Variants in ADGRL2 observed in about 807,000 individuals in gnomAD.
ADGRL2 encodes the protein calcium-independent alpha-latrotoxin receptor 2.
Under a neutral mutation model 157.4 loss-of-function variants are expected in ADGRL2, and 44 were observed. The ratio of observed to expected loss-of-function variants is 0.28; its 90% CI spans 0.22 to 0.36. ADGRL2 has a LOEUF of 0.36. ADGRL2 is among the 10% of genes least tolerant of loss of function. The probability of loss-of-function intolerance (pLI) is 1.00; values close to 1 mark genes in which losing one functional copy is unlikely to be tolerated. For missense variants in ADGRL2, 1,510 were observed against 1,768.9 expected (o/e 0.85, Z 2.63); for synonymous variants, 585 against 624.7 (o/e 0.94, Z 0.95).
chr1:81,316,765 CT>C (rs1660135174), intron 1 of ADGRL2, among the ~76,000 whole-genome samples: 1 of 152,156 alleles, frequency 6.6e-6, no homozygotes, highest in Admixed American at 6.5e-5. Context: ...TGATTTATGT[CT>C]TTGCTGTGTA....
intron 1 of ADGRL2, among the ~76,000 whole-genome samples, chr1:81,378,733 A>G (rs769732495): frequency 3.5e-4 from 53 of 152,166 alleles, no homozygotes; most frequent in Non-Finnish European, 4.3e-4. Flanking sequence ...ATCCATGTAA[A>G]GTGCTTCCTG....
At chr1:81,711,722 A>G (rs896470002) in intron 1 of ADGRL2, among the ~76,000 whole-genome samples, 16 of 152,190 alleles carry the variant, frequency 1.1e-4, no homozygotes, top group Non-Finnish European at 1.5e-4. Context: ...GCTTTCTATC[A>G]TCATTGCAAA....
At chr1:81,682,101 A>ATGTGTGTGTGTGTG (rs1440744581) in intron 3 of ADGRL2, among the ~76,000 whole-genome samples, 17 of 88,342 alleles carry the variant, frequency 1.9e-4, no homozygotes, top group African/African-American at 7.6e-4. Context: ...ATATACATAT[A>ATGTGTGTGTGTGTG]TATGTGTGTG....
intron 2 of ADGRL2, among the ~76,000 whole-genome samples, chr1:81,478,970 G>A (rs1013253219): frequency 1.3e-5 from 2 of 151,598 alleles, no homozygotes; most frequent in African/African-American, 4.8e-5. Flanking sequence ...ACAAGTGAAA[G>A]CTTAATGATC....
At chr1:81,907,307 G>A (rs1044755713) in intron 3 of ADGRL2, 77 bp downstream of exon 3, 23 of 1,241,900 alleles carry the variant, frequency 1.9e-5, no homozygotes, top group South Asian at 1.5e-4. Flanking sequence ...ATTCCAAAGC[G>A]AATGGATATA....
intron 1 of ADGRL2, among the ~76,000 whole-genome samples, chr1:81,424,346 A>C (rs2077175492): frequency 6.6e-6 from 1 of 152,228 alleles, no homozygotes; most frequent in African/African-American, 2.4e-5. Flanking sequence ...TCGTCTGTAA[A>C]ACAACATTGC....
intron 1 of ADGRL2, among the ~76,000 whole-genome samples, chr1:81,816,963 CT>C (rs68090624): frequency 0.11 from 15,329 of 134,954 alleles, 818 homozygotes; most frequent in South Asian, 0.21. Context: ...TTTTTTGGGG[CT>C]TTTTTTTTTT....
At chr1:81,920,496 G>A (rs1419849410) in intron 3 of ADGRL2, among the ~76,000 whole-genome samples, 2 of 152,084 alleles carry the variant, frequency 1.3e-5, no homozygotes, top group Non-Finnish European at 2.9e-5. Flanking sequence ...GCCACGGGCT[G>A]AAGGGATCTT....
At position 81,387,513 on chromosome 1, in the gene ADGRL2, T is replaced by A. The variant is rs762965743; in HGVS notation, c.-301-57523T>A. 3.4e-4 allele frequency among the ~76,000 whole-genome samples: 52 copies of A among 152,158 alleles called. 1 individual carries two copies. The highest frequency in any genetic ancestry group is 6.6e-4 in the Non-Finnish European group (45 of 68,010). ...CACATGCTTTAAATACTTATTTCTT[T>A]CCATAACTGTATGAGGTAAGTACTG... On this transcript the variant is annotated intron_variant, in intron 1 of 24. Transcript: ENST00000370721.
At chr1:81,417,848 C>T (rs2077058278) in intron 1 of ADGRL2, among the ~76,000 whole-genome samples, 1 of 152,158 alleles carries the variant, frequency 6.6e-6, no homozygotes, top group Non-Finnish European at 1.5e-5. Flanking sequence ...GCCCAAGCTG[C>T]ATTAGGAGAT....
intron 2 of ADGRL2, among the ~76,000 whole-genome samples, chr1:81,844,291 G>A (rs931040978): frequency 5.9e-5 from 9 of 152,042 alleles, no homozygotes; most frequent in Non-Finnish European, 8.8e-5. Flanking sequence ...AGCACAGGAG[G>A]CATTTAAAGC....
chr1:81,483,214 C>CT (rs1332203894), intron 2 of ADGRL2, among the ~76,000 whole-genome samples: 10 of 152,094 alleles, frequency 6.6e-5, no homozygotes, highest in Non-Finnish European at 1.0e-4. Context: ...CTCATGGACA[C>CT]TTTTTTAAAG....
chr1:81,534,048 T>A (rs1020692641), intron 2 of ADGRL2, among the ~76,000 whole-genome samples: 1 of 152,254 alleles, frequency 6.6e-6, no homozygotes, highest in African/African-American at 2.4e-5. Flanking sequence ...ATTTGAATTC[T>A]GGTTGTGCTG....
chr1:81,624,559 A>C (rs911420343), intron 3 of ADGRL2, among the ~76,000 whole-genome samples: 11 of 150,282 alleles, frequency 7.3e-5, no homozygotes, highest in Admixed American at 7.3e-4. Flanking sequence ...CACCCCCCCC[A>C]AAAATAAAAA....
At chr1:81,884,022 T>A (rs1571901327) in intron 2 of ADGRL2, among the ~76,000 whole-genome samples, 1 of 151,294 alleles carries the variant, frequency 6.6e-6, no homozygotes, top group East Asian at 2.0e-4. Flanking sequence ...ATACATGTCT[T>A]ACTTTGTCAC....
rs188515128 is a variant in ADGRL2, at chr1:81,992,721, A to T, written c.*1576A>T. ...AGTTCTGCCATCAAATTTGGGTATC[A>T]TAAAAAGTTTTTAACTGATTTTTCA... On this transcript the variant is annotated 3_prime_UTR_variant, in exon 24 of 24. Transcript: ENST00000686636. Among the ~76,000 whole-genome samples, 4 of 152,246 alleles carry T rather than the reference A, an allele frequency of 2.6e-5. No homozygotes were observed. Among genetic ancestry groups the T allele is most frequent in the African/African-American group, 9.6e-5 (4 of 41,564 alleles).
chr1:81,526,538 A>G (rs1570389797), intron 2 of ADGRL2, among the ~76,000 whole-genome samples: 1 of 152,260 alleles, frequency 6.6e-6, no homozygotes, highest in Admixed American at 6.5e-5. Flanking sequence ...CACATCTTCA[A>G]AAAGAAATTA....
chr1:81,412,481 A>G (rs902513739), intron 1 of ADGRL2, among the ~76,000 whole-genome samples: 27 of 152,236 alleles, frequency 1.8e-4, no homozygotes, highest in Non-Finnish European at 2.8e-4. Context: ...TCTCTAACTT[A>G]GAAGCCTTTC....
chr1:81,360,742 A>G (rs1230757817), intron 1 of ADGRL2, among the ~76,000 whole-genome samples: 1 of 151,942 alleles, frequency 6.6e-6, no homozygotes, highest in African/African-American at 2.4e-5. Flanking sequence ...AGAAGGAAGG[A>G]GGGAAAAAAG....
Sources: gnomAD v4.1 joint callset for allele counts (sites outside exome capture counted in the v4.1 genomes callset) on GRCh38, gnomAD v4.1.1 for gene constraint, MANE v1.5 for transcripts, NCBI Gene and HGNC (gene_info 2026-07-23, HGNC 2026-07-21) for gene names.